The following SHISA6 variants were observed in gnomAD, a reference collection of about 807,000 sequenced individuals.
The protein encoded by SHISA6 is shisa family member 6, also known as protein shisa-6.
In SHISA6, 22 loss-of-function variants were observed where a neutral mutation model predicts 47.9. The ratio of observed to expected loss-of-function variants is 0.46; its 90% CI spans 0.33 to 0.66. The LOEUF is 0.66. Ranked by LOEUF, SHISA6 falls within the 30% of genes least tolerant of loss-of-function variation. The pLI, the probability that SHISA6 is intolerant of heterozygous loss-of-function variation, is 0.02. For missense variants in SHISA6, 680 were observed against 764.6 expected (o/e 0.89, Z 1.30); for synonymous variants, 388 against 337.8 (o/e 1.15, Z -1.63).
chr17:11,510,982 T>G (rs1033703193), intron 3 of SHISA6, among the ~76,000 whole-genome samples: 2 of 152,204 alleles, frequency 1.3e-5, no homozygotes, highest in African/African-American at 4.8e-5. Context: ...TGTGGCTCAG[T>G]GTTCTCTTCT....
intron 2 of SHISA6, among the ~76,000 whole-genome samples, chr17:11,279,650 A>G (rs948299299): frequency 6.6e-6 from 1 of 152,268 alleles, no homozygotes; most frequent in East Asian, 1.9e-4. Flanking sequence ...GTTCAAGGTC[A>G]AACAGTTTCT....
intron 2 of SHISA6, 62 bp from the exon 3 acceptor site, chr17:11,379,352 G>A: frequency 8.1e-7 from 1 of 1,227,176 alleles, no homozygotes; most frequent in South Asian, 1.4e-5. Flanking sequence ...AGATGCAGCT[G>A]CGCTTGTCTT....
At position 11,241,417 on chromosome 17, in the gene SHISA6, C is replaced by G. The variant is rs1335054154; in HGVS notation, c.-6C>G. ...GCCTCCCCGCGCCCTCCCGCCCGGC[C>G]CCGCCATGGCGCTGCGGCGCCTCCT... is the stretch of plus-strand genomic sequence containing the variant. On this transcript the variant is annotated 5_prime_UTR_variant, in exon 1 of 6. Transcript: ENST00000441885. This position sits in a 1 kb window ranked among gnomAD's most constrained non-coding sequence, Gnocchi z 5.5. 7.9e-6 allele frequency: 9 copies of G among 1,144,684 alleles called. No homozygotes were observed. The highest frequency in any genetic ancestry group is 8.7e-6 in the Non-Finnish European group (8 of 922,990). 70.9% of individuals were successfully genotyped at this position (1,144,684 alleles called of 1,614,324 possible).
At chr17:11,330,457 A>G (rs1355244215) in intron 2 of SHISA6, among the ~76,000 whole-genome samples, 1 of 150,352 alleles carries the variant, frequency 6.7e-6, no homozygotes, top group Non-Finnish European at 1.5e-5. Context: ...GCAAATTGAG[A>G]CTATTTTCTA....
intron 3 of SHISA6, among the ~76,000 whole-genome samples, chr17:11,495,813 T>C (rs1451664428): frequency 6.6e-6 from 1 of 152,238 alleles, no homozygotes; most frequent in Admixed American, 6.5e-5. Flanking sequence ...GGAGTTGATT[T>C]ATCTATGGAA....
At chr17:11,244,126 T>G (rs1228745674) in intron 1 of SHISA6, among the ~76,000 whole-genome samples, 2 of 152,116 alleles carry the variant, frequency 1.3e-5, no homozygotes, top group East Asian at 3.9e-4. Context: ...GCAGCTTCTC[T>G]CTGGGGTTGG....
intron 2 of SHISA6, among the ~76,000 whole-genome samples, chr17:11,309,350 T>C (rs776392129): frequency 3.3e-5 from 5 of 152,238 alleles, no homozygotes; most frequent in Non-Finnish European, 5.9e-5. Context: ...TTGGGCCTAA[T>C]TGCAGCTTGT....
At chr17:11,384,798 G>A (rs968275274) in intron 3 of SHISA6, among the ~76,000 whole-genome samples, 5 of 152,140 alleles carry the variant, frequency 3.3e-5, no homozygotes, top group South Asian at 2.1e-4. Context: ...TGCCATGCTG[G>A]GAGCCAGATA....
intron 3 of SHISA6, among the ~76,000 whole-genome samples, chr17:11,435,942 T>A (rs1334793909): frequency 6.6e-6 from 1 of 152,186 alleles, no homozygotes; most frequent in Non-Finnish European, 1.5e-5. Context: ...AAGGATGTAG[T>A]ATTATGACAA....
At chr17:11,525,652 CAAAA>C (rs371530736) in intron 3 of SHISA6, among the ~76,000 whole-genome samples, 4 of 104,314 alleles carry the variant, frequency 3.8e-5, no homozygotes, top group South Asian at 3.2e-4. Context: ...AAAAAAAAAA[CAAAA>C]AAAAAAAAAC....
At chr17:11,481,245 C>T (rs943382139) in intron 3 of SHISA6, among the ~76,000 whole-genome samples, 6 of 151,694 alleles carry the variant, frequency 4.0e-5, no homozygotes, top group Non-Finnish European at 8.8e-5. Flanking sequence ...CACCACTGCA[C>T]CCCAGCCTGG....
At chr17:11,307,100 A>G (rs1015321887) in intron 2 of SHISA6, among the ~76,000 whole-genome samples, 21 of 151,016 alleles carry the variant, frequency 1.4e-4, no homozygotes, top group East Asian at 9.7e-4. Context: ...AACCTTTAAG[A>G]CAGTGCCATA....
chr17:11,448,123 G>T (rs1915284267), intron 3 of SHISA6, among the ~76,000 whole-genome samples: 2 of 152,180 alleles, frequency 1.3e-5, no homozygotes, highest in Admixed American at 6.5e-5. Context: ...GGGAAAAGGG[G>T]GAAGCAAAGG....
At chr17:11,254,333 GC>G (rs1907930030) in intron 1 of SHISA6, among the ~76,000 whole-genome samples, 1 of 152,060 alleles carries the variant, frequency 6.6e-6, no homozygotes. Flanking sequence ...GGCCCATTCT[GC>G]CCTCAGCACA....
chr17:11,519,734 A>G (rs2071613490), intron 3 of SHISA6, among the ~76,000 whole-genome samples: 1 of 152,182 alleles, frequency 6.6e-6, no homozygotes, highest in African/African-American at 2.4e-5. Flanking sequence ...TTCTCAGCCC[A>G]TAACCAGTCT....
intron 3 of SHISA6, among the ~76,000 whole-genome samples, chr17:11,483,830 C>T (rs1394227008): frequency 6.6e-6 from 1 of 152,100 alleles, no homozygotes; most frequent in Non-Finnish European, 1.5e-5. Context: ...GTGGTGTGCG[C>T]CTGTAATCCC....
chr17:11,292,582 C>T (rs1266300278), intron 2 of SHISA6, among the ~76,000 whole-genome samples: 10 of 151,968 alleles, frequency 6.6e-5, no homozygotes, highest in Non-Finnish European at 1.3e-4. Flanking sequence ...GAATGACATG[C>T]AAAGATCCTG....
At chr17:11,245,140 C>G (rs1235627066) in intron 1 of SHISA6, among the ~76,000 whole-genome samples, 1 of 152,206 alleles carries the variant, frequency 6.6e-6, no homozygotes, top group African/African-American at 2.4e-5. Flanking sequence ...AAACCGTCAG[C>G]TCTCTTGTGA....
intron 3 of SHISA6, among the ~76,000 whole-genome samples, chr17:11,530,410 G>C (rs907105231): frequency 1.3e-5 from 2 of 152,104 alleles, no homozygotes; most frequent in Admixed American, 1.3e-4. Context: ...CAGTTTGTTC[G>C]GCATTGTTGC....
Sources: gnomAD v4.1 joint callset for allele counts (sites outside exome capture counted in the v4.1 genomes callset) on GRCh38, gnomAD v4.1.1 for gene constraint, Gnocchi (gnomAD v3.1) non-coding constraint, MANE v1.5 for transcripts, NCBI Gene and HGNC (gene_info 2026-07-23, HGNC 2026-07-21) for gene names.